The following TENM3 variants were observed in gnomAD, a reference collection of about 807,000 sequenced individuals.
TENM3 encodes teneurin-3.
Under a neutral mutation model 255.1 loss-of-function variants are expected in TENM3, and 63 were observed. That is an observed-to-expected ratio of 0.25 (90% CI 0.20 to 0.30). TENM3 has a LOEUF of 0.30. TENM3 is among the 10% of genes least tolerant of loss of function. The pLI is 1.00. For missense variants in TENM3, 2,929 were observed against 3,461.1 expected (o/e 0.85, Z 3.86); for synonymous variants, 1,306 against 1,322.3 (o/e 0.99, Z 0.27).
At chr4:181,748,522 C>A in the TENM3 span, among the ~76,000 whole-genome samples, 4 of 152,022 alleles carry the variant, frequency 2.6e-5, no homozygotes, top group Non-Finnish European at 5.9e-5. Context: ...ATCGAAATTA[C>A]TAATTCCTAA....
chr4:182,434,635 C>T (rs1310129751), intron 3 of TENM3, among the ~76,000 whole-genome samples: 1 of 148,492 alleles, frequency 6.7e-6, no homozygotes, highest in Non-Finnish European at 1.5e-5. Context: ...TGCACTCCAG[C>T]CTGGGAGACA....
intron 3 of TENM3, among the ~76,000 whole-genome samples, chr4:182,530,712 G>T (rs868279121): frequency 6.6e-6 from 1 of 152,190 alleles, no homozygotes; most frequent in African/African-American, 2.4e-5. Context: ...CTAGCCTGGA[G>T]CATAGTTGCA....
intron 26 of TENM3, among the ~76,000 whole-genome samples, chr4:182,795,522 C>T (rs1766438137): frequency 6.6e-6 from 1 of 152,110 alleles, no homozygotes; most frequent in Non-Finnish European, 1.5e-5. Flanking sequence ...AAAAGAATAC[C>T]ACTGGTTTTA....
At chr4:182,100,560 T>C in the TENM3 span, among the ~76,000 whole-genome samples, 8 of 107,252 alleles carry the variant, frequency 7.5e-5, no homozygotes, top group African/African-American at 1.1e-4. Flanking sequence ...CACATATATA[T>C]ACACACATAT....
chr4:182,358,798 G>A (rs1292037153), intron 3 of TENM3, among the ~76,000 whole-genome samples: 2 of 146,972 alleles, frequency 1.4e-5, no homozygotes, highest in Admixed American at 1.4e-4. Context: ...TCTTGTGCCA[G>A]TTTTCAAAGG....
At chr4:181,599,936 AGTTCCTTCC>A in the TENM3 span, among the ~76,000 whole-genome samples, 3 of 152,166 alleles carry the variant, frequency 2.0e-5, no homozygotes, top group Admixed American at 6.5e-5. Context: ...TTTACCGGTG[AGTTCCTTCC>A]CTGTATCCCA....
At chr4:182,045,934 G>T in the TENM3 span, among the ~76,000 whole-genome samples, 4 of 152,130 alleles carry the variant, frequency 2.6e-5, no homozygotes, top group Non-Finnish European at 5.9e-5. Context: ...TGTAGTCCCA[G>T]CTGCTTGGGA....
chr4:182,766,312 G>C (rs187914114), intron 22 of TENM3, among the ~76,000 whole-genome samples: 183 of 152,066 alleles, frequency 1.2e-3, no homozygotes, highest in African/African-American at 4.3e-3. Flanking sequence ...TTCAAGACCA[G>C]ATAGCTAAAC....
the TENM3 span, among the ~76,000 whole-genome samples, chr4:181,871,361 G>C: frequency 2.0e-5 from 3 of 151,880 alleles, no homozygotes; most frequent in Admixed American, 6.6e-5. Flanking sequence ...TAACAATTTT[G>C]AGTCTTCCAA....
the TENM3 span, among the ~76,000 whole-genome samples, chr4:181,513,546 GA>G: frequency 6.6e-6 from 1 of 152,140 alleles, no homozygotes; most frequent in South Asian, 2.1e-4. Flanking sequence ...TAAAGAAAAG[GA>G]AGGAAATAGT....
At chr4:182,011,678 T>C in the TENM3 span, among the ~76,000 whole-genome samples, 1 of 152,244 alleles carries the variant, frequency 6.6e-6, no homozygotes, top group East Asian at 1.9e-4. Context: ...CAATTACTGC[T>C]GCATTGCATT....
the TENM3 span, among the ~76,000 whole-genome samples, chr4:182,006,624 T>G: frequency 6.6e-6 from 1 of 152,174 alleles, no homozygotes; most frequent in Non-Finnish European, 1.5e-5. Flanking sequence ...TCTTTTCTTC[T>G]TTATTAGTCT....
chr4:182,157,381 G>A lies in TENM3; in HGVS notation c.-76+12627G>A, dbSNP rs1231638129. Among the ~76,000 whole-genome samples the A allele has an allele frequency of 5.3e-5, 8 of 152,172 alleles. 1 individual carries two copies. The South Asian group carries it at 8.3e-4, about 16-fold the overall frequency. On this transcript the variant is annotated intron_variant, in intron 1 of 2. Transcript: ENST00000512480. ...TAACTTGGCAAAATGTTTGTTGCACGCTTGCCCACAAAAACCCCCTGTGAA... is the reference window on the plus strand; with the variant it reads ...TAACTTGGCAAAATGTTTGTTGCACACTTGCCCACAAAAACCCCCTGTGAA...
intron 3 of TENM3, among the ~76,000 whole-genome samples, chr4:182,451,506 C>T (rs1773457363): frequency 6.6e-6 from 1 of 152,086 alleles, no homozygotes; most frequent in Non-Finnish European, 1.5e-5. Context: ...CAATTTTTCA[C>T]GGGACTCCTT....
intron 3 of TENM3, among the ~76,000 whole-genome samples, chr4:182,406,663 TC>T (rs1240122679): frequency 6.6e-6 from 1 of 152,178 alleles, no homozygotes; most frequent in Non-Finnish European, 1.5e-5. Context: ...AGACATTTCC[TC>T]CCCCCAGTTT....
At chr4:182,421,381 A>C (rs752526516) in intron 3 of TENM3, among the ~76,000 whole-genome samples, 4 of 152,162 alleles carry the variant, frequency 2.6e-5, no homozygotes, top group Non-Finnish European at 5.9e-5. Flanking sequence ...CACAGCCCTG[A>C]CAATATATAT....
chr4:181,588,537 A>T, the TENM3 span, among the ~76,000 whole-genome samples: 2 of 152,162 alleles, frequency 1.3e-5, no homozygotes, highest in African/African-American at 4.8e-5. Context: ...AGAGATTCCA[A>T]TTGGGATCTG....
chr4:181,668,973 T>G, the TENM3 span, among the ~76,000 whole-genome samples: 218 of 152,268 alleles, frequency 1.4e-3, 1 homozygote, highest in African/African-American at 5.0e-3. Context: ...GAATCATAGA[T>G]AGATAGAGAA....
At chr4:182,446,860 T>A (rs1772957361) in intron 3 of TENM3, among the ~76,000 whole-genome samples, 1 of 152,166 alleles carries the variant, frequency 6.6e-6, no homozygotes, top group Non-Finnish European at 1.5e-5. Flanking sequence ...TATATGGTGT[T>A]TATTTGCAGT....
Sources: allele counts gnomAD v4.1 joint callset (sites outside exome capture counted in the v4.1 genomes callset), GRCh38; gene constraint gnomAD v4.1.1; transcripts MANE v1.5; gene names NCBI Gene and HGNC (gene_info 2026-07-23, HGNC 2026-07-21).